Variants in RTKN2 observed in about 807,000 individuals in gnomAD.
The protein encoded by RTKN2 is rhotekin 2, also known as rhotekin-2.
In RTKN2, 69 loss-of-function variants were observed where a neutral mutation model predicts 71.5. That is an observed-to-expected ratio of 0.96 (90% confidence interval 0.79 to 1.18). The LOEUF (loss-of-function observed/expected upper bound fraction) is 1.18, where lower values mean the gene tolerates loss of function less well. Among genes scored for constraint, RTKN2 ranks in the 50% most tolerant of loss-of-function variants. The pLI, the probability that RTKN2 is intolerant of heterozygous loss-of-function variation, is 0.00. For synonymous variants in RTKN2, 236 were observed against 236.5 expected, an observed-to-expected ratio of 1.00 and a Z score of 0.02; for missense variants, 724 against 719.7, an observed-to-expected ratio of 1.01 and a Z score of -0.07.
At chr10:62,203,189 A>C (rs1841480537) in intron 10 of RTKN2, among the ~76,000 whole-genome samples, 1 of 152,132 alleles carries the variant, frequency 6.6e-6, no homozygotes, top group Non-Finnish European at 1.5e-5. Context: ...TAAAACAAAT[A>C]AAAATACCAA....
intron 2 of RTKN2, among the ~76,000 whole-genome samples, chr10:62,249,996 G>A (rs1250257155): frequency 6.6e-6 from 1 of 152,134 alleles, no homozygotes; most frequent in Admixed American, 6.6e-5. Flanking sequence ...AACAAGGAAA[G>A]CAAATAAAAT....
rs1315246109 is a variant in RTKN2, at chr10:62,205,031, T to G, written c.1021-9A>C. The G allele has an allele frequency of 6.4e-7, 1 of 1,569,804 alleles. No homozygotes were observed. Among genetic ancestry groups the G allele is most frequent in the Non-Finnish European group, 8.6e-7 (1 of 1,167,754 alleles). ...GCCCGGATTCTGGTTTCCTAAAAATTAAGAAAAAAATTGGGGTTTTGCATG... is the reference window on the plus strand; with the variant it reads ...GCCCGGATTCTGGTTTCCTAAAAATGAAGAAAAAAATTGGGGTTTTGCATG... On this transcript the variant is annotated splice_polypyrimidine_tract_variant and intron_variant, in intron 9 of 11. Coordinates refer to ENST00000373789, the MANE Select transcript of RTKN2 (RefSeq NM_145307.4).
chr10:62,184,413 A>C (rs1488740557), intron 8 of RTKN2: 1 of 1,342,912 alleles, frequency 7.4e-7, no homozygotes, highest in Admixed American at 2.1e-5. Context: ...AATCACCTTT[A>C]GTCACCCACA....
chr10:62,185,228 T>C (rs558147074), intron 8 of RTKN2, among the ~76,000 whole-genome samples: 23 of 152,086 alleles, frequency 1.5e-4, no homozygotes, highest in Non-Finnish European at 3.1e-4. Flanking sequence ...ATAATTTGTA[T>C]GGCAGATCCT....
At chr10:62,253,016 TTA>T (rs1305259131) in intron 2 of RTKN2, among the ~76,000 whole-genome samples, 1 of 152,036 alleles carries the variant, frequency 6.6e-6, no homozygotes, top group Non-Finnish European at 1.5e-5. Context: ...GATATATCAG[TTA>T]TATCAGTAAA....
downstream of RTKN2, among the ~76,000 whole-genome samples, chr10:62,188,683 TCTC>T (rs1382491100): frequency 2.6e-5 from 4 of 152,060 alleles, no homozygotes; most frequent in Non-Finnish European, 4.4e-5. Context: ...TTCCCAAATG[TCTC>T]CTAAGAGCTT....
chr10:62,187,432 C>T (rs948689600), intron 8 of RTKN2, among the ~76,000 whole-genome samples: 23 of 152,152 alleles, frequency 1.5e-4, no homozygotes, highest in African/African-American at 5.5e-4. Flanking sequence ...CTGTTCACCC[C>T]TCTGTGTCAC....
intron 2 of RTKN2, 24 bp from the exon 3 acceptor site, chr10:62,246,081 G>GA: frequency 1.4e-6 from 2 of 1,480,922 alleles, no homozygotes; most frequent in Non-Finnish European, 1.9e-6. Flanking sequence ...AAAACTTATG[G>GA]AAAAAAGATC....
rs762943176 is a variant in RTKN2 at position 62,198,235 on chromosome 10, C to G, written c.1503G>C (p.Lys501Asn). ...SEPLHDEKGK[K>N]RQAPLPPSDK... ...CAGAAGGAGGAAGGGGAGCTTGTCT[C>G]TTTTTCCCTTTTTCATCATGTAATG... is the stretch of plus-strand genomic sequence containing the variant. Residue 501 changes from lysine to asparagine, a missense_variant, in exon 12 of 12, where the codon AAG (lysine) becomes AAC (asparagine). Lys to Asn is a moderately conservative substitution (Grantham distance 94, BLOSUM62 0). Transcript: ENST00000373789. 1 of 1,613,948 alleles carries G rather than the reference C, an allele frequency of 6.2e-7. No individual in the cohort carries two copies. The highest frequency in any genetic ancestry group is 8.5e-7 in the Non-Finnish European group (1 of 1,179,930).
chr10:62,267,528 C>A (rs1480707273), intron 1 of RTKN2, among the ~76,000 whole-genome samples: 1 of 152,164 alleles, frequency 6.6e-6, no homozygotes, highest in Non-Finnish European at 1.5e-5. Flanking sequence ...AAAATGCTGG[C>A]ATAAAACAGC....
chr10:62,188,085 C>T (rs1300261138), intron 8 of RTKN2, among the ~76,000 whole-genome samples: 3 of 152,188 alleles, frequency 2.0e-5, no homozygotes, highest in East Asian at 1.9e-4. Context: ...ATGGAAACAA[C>T]CCCAAAACTT....
intron 7 of RTKN2, among the ~76,000 whole-genome samples, chr10:62,221,424 A>G (rs1454203967): frequency 6.6e-6 from 1 of 152,134 alleles, no homozygotes; most frequent in Non-Finnish European, 1.5e-5. Context: ...TTAAACCTAA[A>G]TACACAGCTA....
At chr10:62,221,040 C>A (rs1048905049) in intron 7 of RTKN2, among the ~76,000 whole-genome samples, 5 of 150,630 alleles carry the variant, frequency 3.3e-5, no homozygotes, top group African/African-American at 1.2e-4. Context: ...ATAATTCAAG[C>A]AGAGGGAAAA....
Position 62,193,763 on chromosome 10 carries a change from T to C in RTKN2, c.*4145A>G, listed in dbSNP as rs1439916903. 5.1e-6 allele frequency: 5 copies of C among 985,106 alleles called. No individual in the cohort carries two copies. The highest frequency in any genetic ancestry group is 6.0e-6 in the Non-Finnish European group (5 of 829,762). 61.0% of individuals were successfully genotyped at this position (985,106 alleles called of 1,614,324 possible). A position where few individuals can be genotyped will look rare whatever the true frequency, so the allele number is the denominator to read the frequency against. On this transcript the variant is annotated 3_prime_UTR_variant, in exon 12 of 12. Coordinates refer to ENST00000373789, the MANE Select transcript of RTKN2 (RefSeq NM_145307.4). ...AAGCTCTGGGGAAATTCTGGATCAC[T>C]AAACTAAAAGTAAGGTTATGTCAAT...
At chr10:62,244,488 T>C (rs1842440972) in intron 3 of RTKN2, among the ~76,000 whole-genome samples, 1 of 152,202 alleles carries the variant, frequency 6.6e-6, no homozygotes, top group Non-Finnish European at 1.5e-5. Context: ...AATAAACTGT[T>C]ATGAAATGAC....
chr10:62,199,519 C>A (rs1403472817), intron 11 of RTKN2, among the ~76,000 whole-genome samples: 2 of 152,076 alleles, frequency 1.3e-5, no homozygotes, highest in Non-Finnish European at 2.9e-5. Context: ...TCATTTTAAG[C>A]CTTAAATTTT....
At chr10:62,215,213 A>G in intron 9 of RTKN2, 2 of 549,458 alleles carry the variant, frequency 3.6e-6, no homozygotes, top group Non-Finnish European at 3.1e-6. Context: ...AGTAAAAGCC[A>G]AAGTAGACAT....
In RTKN2 at chr10:62,194,343, T is replaced by C. The variant is rs1173848665; in HGVS notation, c.*3565A>G. 6.1e-6 allele frequency: 6 copies of C among 984,536 alleles called. No individual in the cohort carries two copies. Among genetic ancestry groups the C allele is most frequent in the Admixed American group, 6.2e-5 (1 of 16,250 alleles). The allele number at this position is 984,536 out of a possible 1,614,324, so 61.0% of individuals were successfully genotyped here. A position where few individuals can be genotyped will look rare whatever the true frequency, so the allele number is the denominator to read the frequency against. On this transcript the variant is annotated 3_prime_UTR_variant, in exon 12 of 12. Coordinates refer to ENST00000373789, the MANE Select transcript of RTKN2 (RefSeq NM_145307.4). ...AGTTGCACACAAACATGTAAACATA[T>C]GTAAACATTTAAAAATAGTGATGCC...
At chr10:62,202,053 A>T (rs528476249) in intron 10 of RTKN2, among the ~76,000 whole-genome samples, 163 of 149,216 alleles carry the variant, frequency 1.1e-3, no homozygotes, top group African/African-American at 3.7e-3. Flanking sequence ...ATTGTTAAAT[A>T]TTTTTTAAAA....
Sources: gnomAD v4.1 joint callset for allele counts (sites outside exome capture counted in the v4.1 genomes callset) on GRCh38, gnomAD v4.1.1 for gene constraint, MANE v1.5 for transcripts, NCBI Gene and HGNC (gene_info 2026-07-23, HGNC 2026-07-21) for gene names.